Variants in TAFA1 observed in about 807,000 individuals in gnomAD.
The protein encoded by TAFA1 is TAFA chemokine like family member 1, also known as chemokine-like protein TAFA-1.
Under a neutral mutation model 18.5 loss-of-function variants are expected in TAFA1, and 4 were observed. The ratio of observed to expected loss-of-function variants is 0.22; its 90% confidence interval spans 0.11 to 0.49. TAFA1 has a LOEUF of 0.49. TAFA1 is among the 20% of genes least tolerant of loss of function. TAFA1 has a pLI of 0.98. For missense variants in TAFA1, 147 were observed against 169.0 expected, an observed-to-expected ratio of 0.87 and a Z score of 0.72; for synonymous variants, 56 against 55.2, an observed-to-expected ratio of 1.01 and a Z score of -0.06.
chr3:68,510,970 C>T (rs568464411), intron 3 of TAFA1, among the ~76,000 whole-genome samples: 4 of 152,186 alleles, frequency 2.6e-5, no homozygotes, highest in South Asian at 4.1e-4. Context: ...AGATTTTACA[C>T]GTTTTGATTT....
chr3:68,227,769 C>G (rs572066151), intron 2 of TAFA1, among the ~76,000 whole-genome samples: 1 of 152,232 alleles, frequency 6.6e-6, no homozygotes, highest in East Asian at 1.9e-4. Flanking sequence ...GGTGAATTCC[C>G]AAACAGGGTG....
At position 68,358,624 on chromosome 3, in the gene TAFA1, C is replaced by T. The variant is rs572203231; in HGVS notation, c.119-58656C>T. 3.0e-4 allele frequency among the ~76,000 whole-genome samples: 45 copies of T among 152,016 alleles called. No individual in the cohort carries two copies. In the South Asian group the frequency reaches 6.6e-3, roughly 22 times the overall value. On this transcript the variant is annotated intron_variant, in intron 2 of 4. Coordinates refer to ENST00000478136, the MANE Select transcript of TAFA1 (RefSeq NM_213609.4). ...TAGACTGATTGTCTTTCCCCCATAC[C>T]GCAAATCTATGGTCTACTCTCCTTC... is the stretch of plus-strand genomic sequence containing the variant.
chr3:68,511,495 A>G (rs541333327), intron 3 of TAFA1, among the ~76,000 whole-genome samples: 2 of 152,232 alleles, frequency 1.3e-5, no homozygotes, highest in Non-Finnish European at 2.9e-5. Flanking sequence ...AAAAACCTAA[A>G]CTGTATTGAA....
intron 2 of TAFA1, among the ~76,000 whole-genome samples, chr3:68,258,562 T>A (rs2067344454): frequency 2.0e-5 from 3 of 152,334 alleles, no homozygotes; most frequent in Non-Finnish European, 4.4e-5. Context: ...AACTGAGTGG[T>A]TACCATGGTG....
rs2064991425 is a variant in TAFA1 at position 68,088,031 on chromosome 3, C to G, written c.118+81287C>G. Among the ~76,000 whole-genome samples, 3 of 152,050 alleles carry G rather than the reference C, an allele frequency of 2.0e-5. No homozygotes were observed. The South Asian group carries it at 6.2e-4, about 31-fold the overall frequency. On this transcript the variant is annotated intron_variant, in intron 2 of 4. Coordinates refer to ENST00000478136, the MANE Select transcript of TAFA1 (RefSeq NM_213609.4). Reference sequence around the variant, plus strand: ...GTACTACTATGATAAATAAATAAAACAAGATCATTTACATTTAGTTTGAAG... The same window carrying G: ...GTACTACTATGATAAATAAATAAAAGAAGATCATTTACATTTAGTTTGAAG...
intron 3 of TAFA1, among the ~76,000 whole-genome samples, chr3:68,452,490 T>G (rs1575879817): frequency 8.0e-6 from 1 of 125,290 alleles, no homozygotes; most frequent in Non-Finnish European, 1.6e-5. Flanking sequence ...GCCACTACAC[T>G]CCAGCCTAGG....
At chr3:68,202,829 G>T (rs1163919035) in intron 2 of TAFA1, among the ~76,000 whole-genome samples, 1 of 151,436 alleles carries the variant, frequency 6.6e-6, no homozygotes, top group East Asian at 2.0e-4. Context: ...TGAATAAATT[G>T]TTTTCTGTTA....
intron 2 of TAFA1, among the ~76,000 whole-genome samples, chr3:68,248,207 T>A (rs1031996267): frequency 6.6e-6 from 1 of 152,240 alleles, no homozygotes; most frequent in African/African-American, 2.4e-5. Flanking sequence ...ATTCATCGTG[T>A]TAATTTCTCA....
At chr3:68,399,286 G>C (rs2070442152) in intron 2 of TAFA1, among the ~76,000 whole-genome samples, 1 of 152,142 alleles carries the variant, frequency 6.6e-6, no homozygotes, top group Non-Finnish European at 1.5e-5. Context: ...TAAGTAGTAG[G>C]GTTGGGATTT....
At chr3:68,321,421 C>A (rs1192188395) in intron 2 of TAFA1, among the ~76,000 whole-genome samples, 5 of 152,002 alleles carry the variant, frequency 3.3e-5, no homozygotes, top group African/African-American at 1.2e-4. Context: ...TTAATATTTC[C>A]TTTGATGTTG....
chr3:68,254,159 G>C (rs34675296), intron 2 of TAFA1, among the ~76,000 whole-genome samples: 3 of 119,834 alleles, frequency 2.5e-5, no homozygotes, highest in Admixed American at 1.0e-4. Flanking sequence ...CTATCTATCT[G>C]TCTATCTATC....
intron 2 of TAFA1, among the ~76,000 whole-genome samples, chr3:68,206,878 A>C (rs967206323): frequency 6.6e-6 from 1 of 151,924 alleles, no homozygotes; most frequent in Admixed American, 6.6e-5. Context: ...GGCTAGACCT[A>C]GTCACATGAT....
At chr3:68,395,867 A>G (rs746151647) in intron 2 of TAFA1, among the ~76,000 whole-genome samples, 1 of 152,078 alleles carries the variant, frequency 6.6e-6, no homozygotes, top group African/African-American at 2.4e-5. Flanking sequence ...TGACAGGTTG[A>G]TGGGTGCAGC....
intron 2 of TAFA1, among the ~76,000 whole-genome samples, chr3:68,192,829 G>A (rs758753523): frequency 6.6e-6 from 1 of 151,778 alleles, no homozygotes; most frequent in Admixed American, 6.6e-5. Context: ...CTTGGAGGGT[G>A]TGATGGATCA....
intron 3 of TAFA1, among the ~76,000 whole-genome samples, chr3:68,442,808 T>C (rs1272333499): frequency 1.3e-5 from 2 of 152,152 alleles, no homozygotes; most frequent in East Asian, 1.9e-4. Context: ...ATTAAATATC[T>C]CACAGGCAAT....
chr3:68,314,969 A>G (rs1344610594), intron 2 of TAFA1, among the ~76,000 whole-genome samples: 1 of 147,990 alleles, frequency 6.8e-6, no homozygotes, highest in Non-Finnish European at 1.5e-5. Flanking sequence ...TGAATAAGAG[A>G]AAAAGAAAAT....
chr3:68,029,911 T>C (rs1213929116), intron 2 of TAFA1, among the ~76,000 whole-genome samples: 1 of 152,148 alleles, frequency 6.6e-6, no homozygotes, highest in African/African-American at 2.4e-5. Flanking sequence ...TATGGGACGA[T>C]AGTTAAGAAA....
chr3:68,312,289 G>T (rs1311468790), intron 2 of TAFA1, among the ~76,000 whole-genome samples: 1 of 152,172 alleles, frequency 6.6e-6, no homozygotes, highest in Non-Finnish European at 1.5e-5. Flanking sequence ...CATTACTTAT[G>T]CAAAATTCTC....
chr3:68,406,261 T>G (rs888955971), intron 2 of TAFA1, among the ~76,000 whole-genome samples: 1 of 152,184 alleles, frequency 6.6e-6, no homozygotes, highest in Non-Finnish European at 1.5e-5. Context: ...GGAAATTGTT[T>G]CCATGTCATT....
Sources: gnomAD v4.1 joint callset for allele counts (sites outside exome capture counted in the v4.1 genomes callset) on GRCh38, gnomAD v4.1.1 for gene constraint, MANE v1.5 for transcripts, NCBI Gene and HGNC (gene_info 2026-07-23, HGNC 2026-07-21) for gene names.